The following FLT1 variants were observed in gnomAD, a reference collection of about 807,000 sequenced individuals.
The protein encoded by FLT1 is fms related receptor tyrosine kinase 1.
A neutral mutation model predicts 156.3 loss-of-function variants in FLT1; 49 were observed. The ratio of observed to expected loss-of-function variants is 0.31; its 90% CI spans 0.25 to 0.40. The LOEUF (loss-of-function observed/expected upper bound fraction) is 0.40, where lower values mean the gene tolerates loss of function less well. FLT1 is among the 10% of genes least tolerant of loss of function. The pLI, the probability that FLT1 is intolerant of heterozygous loss-of-function variation, is 1.00. For missense variants in FLT1, 1,322 were observed against 1,637.2 expected (o/e 0.81, Z 3.32); for synonymous variants, 594 against 583.8 (o/e 1.02, Z -0.25).
chr13:28,334,418 A>C (rs141118657), intron 17 of FLT1, among the ~76,000 whole-genome samples: 1 of 152,184 alleles, frequency 6.6e-6, no homozygotes. Flanking sequence ...CGTAGGAGAG[A>C]TGGGACCAAG....
chr13:28,369,728 C>A (rs757192813), intron 14 of FLT1, among the ~76,000 whole-genome samples: 1 of 152,148 alleles, frequency 6.6e-6, no homozygotes, highest in Non-Finnish European at 1.5e-5. Context: ...CAGTGAAAAG[C>A]AGCCTTGCAA....
chr13:28,460,523 C>A (rs537477874), intron 3 of FLT1, among the ~76,000 whole-genome samples: 17 of 152,196 alleles, frequency 1.1e-4, no homozygotes, highest in African/African-American at 3.9e-4. Context: ...AGTGGGAAAA[C>A]TCAGTTCAGG....
chr13:28,380,193 A>G (rs1287500651), intron 14 of FLT1, among the ~76,000 whole-genome samples: 1 of 152,242 alleles, frequency 6.6e-6, no homozygotes, highest in African/African-American at 2.4e-5. Context: ...TTTGCAGGCC[A>G]TGATCTTAAT....
intron 23 of FLT1, among the ~76,000 whole-genome samples, chr13:28,321,218 C>T (rs537429421): frequency 5.3e-5 from 8 of 152,298 alleles, no homozygotes; most frequent in Middle Eastern, 3.4e-3. Context: ...GCAAGTCTCA[C>T]GCAGCGCTGC....
rs1320043849 is a variant in FLT1, at chr13:28,412,307, C to CTT, written c.1437-6414_1437-6413insAA. On this transcript the variant is annotated intron_variant, in intron 10 of 29. Transcript: ENST00000282397. ...CCCCCTTCTCTTTCTTTTTCTCTTT[C>CTT]TCTTTCTTTCTTTCTTTCTTTCTTT... Among the ~76,000 whole-genome samples the CTT allele has an allele frequency of 5.5e-3, 295 of 53,590 alleles. 3 individuals carry two copies. The highest frequency in any genetic ancestry group is 0.013 in the African/African-American group (275 of 20,888). 35.2% of individuals were successfully genotyped at this position (53,590 alleles called of 152,430 possible). A position where few individuals can be genotyped will look rare whatever the true frequency, so the allele number is the denominator to read the frequency against.
chr13:28,357,707 G>C, intron 14 of FLT1, 22 bp from the exon 15 acceptor site: 2 of 1,611,882 alleles, frequency 1.2e-6, no homozygotes, highest in Non-Finnish European at 1.7e-6. Flanking sequence ...GAGATGTTTA[G>C]ATTAGTGGGC....
intron 10 of FLT1, among the ~76,000 whole-genome samples, chr13:28,419,404 G>A (rs1189523068): frequency 6.6e-6 from 1 of 152,162 alleles, no homozygotes; most frequent in East Asian, 1.9e-4. Flanking sequence ...TCTTGTGTCA[G>A]GACATTAGTT....
In FLT1 at chr13:28,321,470, T is replaced by C. The variant is rs1189350948; in HGVS notation, c.3167A>G (p.Lys1056Arg). The C allele has an allele frequency of 6.2e-7, 1 of 1,614,096 alleles. No individual in the cohort carries two copies. The highest frequency in any genetic ancestry group is 8.5e-7 in the Non-Finnish European group (1 of 1,179,996). The part of the protein sequence containing the change: ...DIYKNPDYVR[K>R]GDTRLPLKWM... ...AACATCAAACTGACTTACATCTCCT[T>C]TTCTCACATAATCGGGGTTCTTATA... The change falls in exon 23 of 30, where the codon AAA (lysine) becomes AGA (arginine). Residue 1056 changes from lysine to arginine, a missense_variant. Physicochemically the swap from Lys to Arg is conservative, Grantham distance 26. Around this residue, in one of 3 missense-constraint regions of FLT1, gnomAD observed 329 missense variants for 366.2 expected, o/e 0.90. Transcript: ENST00000282397.
intron 15 of FLT1, among the ~76,000 whole-genome samples, chr13:28,346,568 A>AAAG (rs67973168): frequency 6.8e-4 from 103 of 150,630 alleles, no homozygotes; most frequent in East Asian, 1.6e-3. Flanking sequence ...AAAAAAAAAA[A>AAAG]ATGTGGTAGC....
intron 12 of FLT1, among the ~76,000 whole-genome samples, chr13:28,390,928 C>G (rs553035514): frequency 6.6e-6 from 1 of 152,316 alleles, no homozygotes; most frequent in Non-Finnish European, 1.5e-5. Flanking sequence ...AACTGTTATT[C>G]ACTATCCTCC....
At chr13:28,479,235 G>C (rs538181998) in intron 1 of FLT1, among the ~76,000 whole-genome samples, 6 of 152,262 alleles carry the variant, frequency 3.9e-5, no homozygotes, top group Admixed American at 2.6e-4. Context: ...TTGAGTTTTT[G>C]AAAGCTACAT....
At chr13:28,422,539 AT>A (rs931540596) in intron 10 of FLT1, among the ~76,000 whole-genome samples, 1 of 152,232 alleles carries the variant, frequency 6.6e-6, no homozygotes, top group Non-Finnish European at 1.5e-5. Context: ...CACATTCAAC[AT>A]TTTAGAAACA....
intron 11 of FLT1, among the ~76,000 whole-genome samples, chr13:28,402,776 G>A (rs977625184): frequency 5.1e-4 from 78 of 151,908 alleles, no homozygotes; most frequent in East Asian, 7.7e-4. Flanking sequence ...TTTACGTTAC[G>A]TTACGTTATG....
At chr13:28,413,662 G>A (rs1460723953) in intron 10 of FLT1, among the ~76,000 whole-genome samples, 1 of 152,146 alleles carries the variant, frequency 6.6e-6, no homozygotes, top group Non-Finnish European at 1.5e-5. Context: ...CATTCAAGAA[G>A]GAGGCTTAAA....
At chr13:28,457,831 C>T (rs1034794068) in intron 3 of FLT1, among the ~76,000 whole-genome samples, 5 of 151,888 alleles carry the variant, frequency 3.3e-5, no homozygotes, top group Non-Finnish European at 7.4e-5. Context: ...TTGTTTTTCA[C>T]ACTTCTTGAT....
intron 14 of FLT1, among the ~76,000 whole-genome samples, chr13:28,376,182 T>G (rs1873831367): frequency 6.6e-6 from 1 of 152,174 alleles, no homozygotes; most frequent in Non-Finnish European, 1.5e-5. Flanking sequence ...AGACATTTGG[T>G]GTCAGTGATA....
rs57304530 is a variant in FLT1, at chr13:28,357,868, C to CTTTTTTTTTTTTTTTT, written c.2117-199_2117-184dup. Among the ~76,000 whole-genome samples, 101 of 104,726 alleles carry CTTTTTTTTTTTTTTTT rather than the reference C, an allele frequency of 9.6e-4. 3 individuals are homozygous for CTTTTTTTTTTTTTTTT. The highest frequency in any genetic ancestry group is 3.5e-3 in the African/African-American group (94 of 26,972). 68.7% of individuals were successfully genotyped at this position (104,726 alleles called of 152,430 possible). ...CCAGGCTTTCTTTTTCTTTTCTTTC[C>CTTTTTTTTTTTTTTTT]TTTTTTTTTTTTTTTTTTTTTCTGC... On this transcript the variant is annotated intron_variant, in intron 14 of 29. Coordinates refer to ENST00000282397, the MANE Select transcript of FLT1 (RefSeq NM_002019.4).
intron 12 of FLT1, among the ~76,000 whole-genome samples, chr13:28,390,840 C>T (rs984634895): frequency 6.6e-6 from 1 of 152,184 alleles, no homozygotes; most frequent in Non-Finnish European, 1.5e-5. Context: ...AAATAGTTTG[C>T]GAACAAGTGA....
Position 28,350,271 on chromosome 13 carries a change from A to G in FLT1, c.2249-4720T>C, listed in dbSNP as rs186284554. ...GTACAAGGTTATTTTTATTTGGGAT[A>G]CTGACAAGAATATAGCCAATTTGAA... is the stretch of plus-strand genomic sequence containing the variant. On this transcript the variant is annotated intron_variant, in intron 15 of 29. Transcript: ENST00000282397. Among the ~76,000 whole-genome samples the G allele has an allele frequency of 1.6e-3, 246 of 152,316 alleles. 1 individual carries two copies. Among genetic ancestry groups the G allele is most frequent in the African/African-American group, 5.5e-3 (228 of 41,578 alleles).
Sources: allele counts gnomAD v4.1 joint callset (sites outside exome capture counted in the v4.1 genomes callset), GRCh38; gene constraint gnomAD v4.1.1; regional missense constraint gnomAD v4.1.1; transcripts MANE v1.5; gene names NCBI Gene and HGNC (gene_info 2026-07-23, HGNC 2026-07-21).